The following CALML3 variants were observed in gnomAD, a reference collection of about 807,000 sequenced individuals.
CALML3 encodes the protein calmodulin-like protein 3.
For synonymous variants in CALML3, 98 were observed against 89.9 expected, an observed-to-expected ratio of 1.09 and a Z score of -0.51; for missense variants, 198 against 214.1, an observed-to-expected ratio of 0.92 and a Z score of 0.47.
chr10:5,525,128 G>C lies in CALML3; in HGVS notation c.43G>C (p.Glu15Gln). 6.2e-7 allele frequency: 1 copy of C among 1,612,412 alleles called. No homozygotes were observed. Among genetic ancestry groups the C allele is most frequent in the Non-Finnish European group, 8.5e-7 (1 of 1,178,844 alleles). The change falls in exon 1 of 1, where the codon GAG becomes CAG. Residue 15 changes from glutamate (E) to glutamine (Q), a missense_variant. By Grantham distance (29) the Glu-to-Gln change is conservative (BLOSUM62 2). Coordinates refer to ENST00000315238, the MANE Select transcript of CALML3 (RefSeq NM_005185.4). ...LTEEQVTEFK[E>Q]AFSLFDKDGD... ...TGAGGAGCAGGTCACAGAATTCAAG[G>C]AGGCCTTCTCCCTGTTTGACAAGGA...
chr10:5,525,359 G>A lies in CALML3; in HGVS notation c.274G>A (p.Val92Met), dbSNP rs1293005650. ...GGAGGAGATCCGCGAGGCCTTCCGCGTGTTCGACAAGGACGGCAACGGCTT... is the reference window on the plus strand; with the variant it reads ...GGAGGAGATCCGCGAGGCCTTCCGCATGTTCGACAAGGACGGCAACGGCTT... The part of the protein sequence containing the change: ...NEEEIREAFR[V>M]FDKDGNGFVS... The change falls in exon 1 of 1, where the codon GTG becomes ATG. Residue 92 changes from valine (V) to methionine (M), a missense_variant. Val to Met is a conservative substitution (Grantham distance 21, BLOSUM62 1). Transcript: ENST00000315238. 1.2e-6 allele frequency: 2 copies of A among 1,613,798 alleles called. No individual in the cohort carries two copies. Among genetic ancestry groups the A allele is most frequent in the South Asian group, 2.2e-5 (2 of 91,078 alleles).
Position 5,525,526 on chromosome 10 carries a change from G to C in CALML3, c.441G>C (p.Val147=). 1 of 1,592,196 alleles carries C rather than the reference G, an allele frequency of 6.3e-7. No individual in the cohort carries two copies. The highest frequency in any genetic ancestry group is 8.6e-7 in the Non-Finnish European group (1 of 1,165,574). ...ACGAGGAGTTTGTCCGTGTGCTGGTGTCCAAGTGAGGCCGGCGCCCACCAT... is the reference window on the plus strand; with the variant it reads ...ACGAGGAGTTTGTCCGTGTGCTGGTCTCCAAGTGAGGCCGGCGCCCACCAT... ...VNYEEFVRVL[V]SK The change falls in exon 1 of 1, where the codon GTG becomes GTC. Residue 147 remains valine, a synonymous_variant. Coordinates refer to ENST00000315238, the MANE Select transcript of CALML3 (RefSeq NM_005185.4).
At position 5,526,037 on chromosome 10, in the gene CALML3, C is replaced by T. The variant is rs541633711; in HGVS notation, c.*502C>T. The T allele has an allele frequency of 1.1e-5, 2 of 174,992 alleles. No individual in the cohort carries two copies. The highest frequency in any genetic ancestry group is 5.9e-5 in the Admixed American group (1 of 17,094). The allele number at this position is 174,992 out of a possible 1,614,324, so 10.8% of individuals were successfully genotyped here. Reference sequence around the variant, plus strand: ...GCATCTTGGCCTGCAGTAAGCGGTGCTGACGGGGACTCTGGCCACAGAGGT... The same window carrying T: ...GCATCTTGGCCTGCAGTAAGCGGTGTTGACGGGGACTCTGGCCACAGAGGT... On this transcript the variant is annotated 3_prime_UTR_variant, in exon 1 of 1. Coordinates refer to ENST00000315238, the MANE Select transcript of CALML3 (RefSeq NM_005185.4).
Position 5,525,600 on chromosome 10 carries a change from G to A in CALML3, c.*65G>A, listed in dbSNP as rs919747331. 1.1e-5 allele frequency: 10 copies of A among 874,132 alleles called. No individual in the cohort carries two copies. The highest frequency in any genetic ancestry group is 3.3e-5 in the South Asian group (2 of 60,614). The allele number at this position is 874,132 out of a possible 1,614,324, so 54.1% of individuals were successfully genotyped here. Reference sequence around the variant, plus strand: ...ACAGGGCAAGAACCCGGGGCCTCCCGCCTCCTCCCCCATCCCCCTGCCTCC... The same window carrying A: ...ACAGGGCAAGAACCCGGGGCCTCCCACCTCCTCCCCCATCCCCCTGCCTCC... On this transcript the variant is annotated 3_prime_UTR_variant, in exon 1 of 1. Transcript: ENST00000315238.
chr10:5,525,567 C>T lies in CALML3; in HGVS notation c.*32C>T, dbSNP rs199898663. 2.2e-4 allele frequency: 337 copies of T among 1,541,714 alleles called. No individual in the cohort carries two copies. In the African/African-American group the frequency reaches 4.2e-3, roughly 19 times the overall value. On this transcript the variant is annotated 3_prime_UTR_variant, in exon 1 of 1. Coordinates refer to ENST00000315238, the MANE Select transcript of CALML3 (RefSeq NM_005185.4). The stretch of plus-strand genomic sequence containing the variant: ...CGCCCACCATGCTCCTGGGCGCCCA[C>T]GCGGCCCACAGGGCAAGAACCCGGG...
Position 5,525,407 on chromosome 10 carries a change from C to T in CALML3, c.322C>T (p.His108Tyr), listed in dbSNP as rs748277770. ...CTTCGTCAGCGCCGCCGAGCTGCGA[C>T]ACGTCATGACCCGGCTGGGGGAGAA... Reference protein sequence around the residue: ...NGFVSAAELRHVMTRLGEKLS... With the variant: ...NGFVSAAELRYVMTRLGEKLS... The change falls in exon 1 of 1, where the codon CAC becomes TAC. Residue 108 changes from histidine (H) to tyrosine (Y), a missense_variant. His to Tyr is a moderately conservative substitution (Grantham distance 83). Coordinates refer to ENST00000315238, the MANE Select transcript of CALML3 (RefSeq NM_005185.4). 3 of 1,613,790 alleles carry T rather than the reference C, an allele frequency of 1.9e-6. No homozygotes were observed. Among genetic ancestry groups the T allele is most frequent in the African/African-American group, 2.7e-5 (2 of 74,920 alleles).
chr10:5,525,115 C>G lies in CALML3; in HGVS notation c.30C>G (p.Val10=). 6.2e-7 allele frequency: 1 copy of G among 1,610,528 alleles called. No homozygotes were observed. The highest frequency in any genetic ancestry group is 2.2e-5 in the East Asian group (1 of 44,770). Residue 10 remains valine (V), a synonymous_variant, in exon 1 of 1, where the codon GTC becomes GTG. Coordinates refer to ENST00000315238, the MANE Select transcript of CALML3 (RefSeq NM_005185.4). MADQLTEEQ[V]TEFKEAFSLF... is the part of the protein sequence containing the mutation. ...CCGACCAGCTGACTGAGGAGCAGGT[C>G]ACAGAATTCAAGGAGGCCTTCTCCC...
chr10:5,526,374 C>T lies in CALML3; in HGVS notation c.*839C>T, dbSNP rs1449735056. The T allele has an allele frequency of 1.2e-5, 2 of 166,742 alleles. No individual in the cohort carries two copies. The highest frequency in any genetic ancestry group is 2.9e-5 in the Non-Finnish European group (2 of 68,082). 10.3% of individuals were successfully genotyped at this position (166,742 alleles called of 1,614,324 possible). A position where few individuals can be genotyped will look rare whatever the true frequency, so the allele number is the denominator to read the frequency against. ...TGCTTTTTGAAAATGCAATGAATTC[C>T]TATACGGGGGAGCGGGAAAGGTGCC... On this transcript the variant is annotated 3_prime_UTR_variant, in exon 1 of 1. Coordinates refer to ENST00000315238, the MANE Select transcript of CALML3 (RefSeq NM_005185.4).
In CALML3 at chr10:5,525,326, G is replaced by A. The variant is rs984573204; in HGVS notation, c.241G>A (p.Asp81Asn). The change falls in exon 1 of 1, where the codon GAC (aspartate) becomes AAC (asparagine). Residue 81 changes from aspartate to asparagine, a missense_variant. Asp to Asn is a conservative substitution (Grantham distance 23, BLOSUM62 1). Transcript: ENST00000315238. ...GMMARKMKDT[D>N]NEEEIREAFR... is the part of the protein sequence containing the mutation. ...GATGGCCAGGAAGATGAAGGACACGGACAACGAGGAGGAGATCCGCGAGGC... is the reference window on the plus strand; with the variant it reads ...GATGGCCAGGAAGATGAAGGACACGAACAACGAGGAGGAGATCCGCGAGGC... The A allele has an allele frequency of 6.2e-7, 1 of 1,613,962 alleles. No individual in the cohort carries two copies. The highest frequency in any genetic ancestry group is 8.5e-7 in the Non-Finnish European group (1 of 1,180,006).
rs769766873 is a variant in CALML3 at position 5,525,425 on chromosome 10, G to A, written c.340G>A (p.Gly114Arg). Residue 114 changes from glycine to arginine, a missense_variant, in exon 1 of 1, where the codon GGG becomes AGG. Coordinates refer to ENST00000315238, the MANE Select transcript of CALML3 (RefSeq NM_005185.4). ...AELRHVMTRL[G>R]EKLSDEEVDE... is the part of the protein sequence containing the mutation. ...GCTGCGACACGTCATGACCCGGCTG[G>A]GGGAGAAGCTGAGTGACGAGGAGGT... The A allele has an allele frequency of 2.5e-6, 4 of 1,613,984 alleles. No homozygotes were observed. The highest frequency in any genetic ancestry group is 3.4e-6 in the Non-Finnish European group (4 of 1,179,998).
chr10:5,525,216 C>T lies in CALML3; in HGVS notation c.131C>T (p.Pro44Leu), dbSNP rs1053246228. 2 of 1,613,952 alleles carry T rather than the reference C, an allele frequency of 1.2e-6. No homozygotes were observed. The highest frequency in any genetic ancestry group is 8.5e-7 in the Non-Finnish European group (1 of 1,179,990). The change falls in exon 1 of 1, where the codon CCC (proline) becomes CTC (leucine). Residue 44 changes from proline to leucine, a missense_variant. Transcript: ENST00000315238. Reference sequence around the variant, plus strand: ...GTCATGCGGTCCCTGGGCCAGAACCCCACGGAGGCCGAGCTGCGGGACATG... The same window carrying T: ...GTCATGCGGTCCCTGGGCCAGAACCTCACGGAGGCCGAGCTGCGGGACATG... ...GTVMRSLGQN[P>L]TEAELRDMMS... is the part of the protein sequence containing the mutation.
Position 5,525,518 on chromosome 10 carries a change from G to T in CALML3, c.433G>T (p.Val145Leu). The change falls in exon 1 of 1, where the codon GTG becomes TTG. Residue 145 changes from valine (V) to leucine (L), a missense_variant. By Grantham distance (32) the Val-to-Leu change is conservative (BLOSUM62 1). Coordinates refer to ENST00000315238, the MANE Select transcript of CALML3 (RefSeq NM_005185.4). ...GQVNYEEFVR[V>L]LVSK ...GGTGAACTACGAGGAGTTTGTCCGT[G>T]TGCTGGTGTCCAAGTGAGGCCGGCG... The T allele has an allele frequency of 2.5e-6, 4 of 1,600,224 alleles. No individual in the cohort carries two copies. Among genetic ancestry groups the T allele is most frequent in the Non-Finnish European group, 3.4e-6 (4 of 1,170,464 alleles).
rs35884809 is a variant in CALML3, at chr10:5,526,273, C to CTT, written c.*748_*749dup. 4.0e-3 allele frequency: 626 copies of CTT among 157,820 alleles called. 3 individuals are homozygous for CTT. The highest frequency in any genetic ancestry group is 0.013 in the African/African-American group (511 of 39,608). 9.8% of individuals were successfully genotyped at this position (157,820 alleles called of 1,614,324 possible). A position where few individuals can be genotyped will look rare whatever the true frequency, so the allele number is the denominator to read the frequency against. Reference sequence around the variant, plus strand: ...GAGATATTCGTCCTTATTTCATTTCCTTTTTTTTTTTGGTTTCCATGGAAA... The same window carrying CTT: ...GAGATATTCGTCCTTATTTCATTTCCTTTTTTTTTTTTTGGTTTCCATGGAAA... On this transcript the variant is annotated 3_prime_UTR_variant, in exon 1 of 1. Transcript: ENST00000315238.
In CALML3 at chr10:5,525,354, T is replaced by A. The variant is rs773111118; in HGVS notation, c.269T>A (p.Phe90Tyr). The change falls in exon 1 of 1, where the codon TTC becomes TAC. Residue 90 changes from phenylalanine (F) to tyrosine (Y), a missense_variant. Coordinates refer to ENST00000315238, the MANE Select transcript of CALML3 (RefSeq NM_005185.4). Reference sequence around the variant, plus strand: ...AACGAGGAGGAGATCCGCGAGGCCTTCCGCGTGTTCGACAAGGACGGCAAC... The same window carrying A: ...AACGAGGAGGAGATCCGCGAGGCCTACCGCGTGTTCGACAAGGACGGCAAC... ...TDNEEEIREA[F>Y]RVFDKDGNGF... 13 of 1,613,710 alleles carry A rather than the reference T, an allele frequency of 8.1e-6. No homozygotes were observed. The highest frequency in any genetic ancestry group is 1.1e-5 in the Non-Finnish European group (13 of 1,179,984).
Position 5,525,202 on chromosome 10 carries a change from C to A in CALML3, c.117C>A (p.Ser39=). 1.2e-6 allele frequency: 2 copies of A among 1,613,934 alleles called. No individual in the cohort carries two copies. Among genetic ancestry groups the A allele is most frequent in the Non-Finnish European group, 8.5e-7 (1 of 1,179,988 alleles). The change falls in exon 1 of 1, where the codon TCC becomes TCA. Residue 39 remains serine, a synonymous_variant. Coordinates refer to ENST00000315238, the MANE Select transcript of CALML3 (RefSeq NM_005185.4). ...GCGAGCTGGGCACGGTCATGCGGTC[C>A]CTGGGCCAGAACCCCACGGAGGCCG... The part of the protein sequence containing the change: ...TTRELGTVMR[S]LGQNPTEAEL...
rs763270644 is a variant in CALML3 at position 5,525,160 on chromosome 10, C to T, written c.75C>T (p.Asp25=). ...EAFSLFDKDG[D]GCITTRELGT... is the part of the protein sequence containing the mutation. The stretch of plus-strand genomic sequence containing the variant: ...TCTCCCTGTTTGACAAGGATGGGGA[C>T]GGCTGCATCACCACCCGCGAGCTGG... The change falls in exon 1 of 1, where the codon GAC becomes GAT. Residue 25 remains aspartate, a synonymous_variant. Coordinates refer to ENST00000315238, the MANE Select transcript of CALML3 (RefSeq NM_005185.4). 2.2e-5 allele frequency: 35 copies of T among 1,613,682 alleles called. 1 individual carries two copies. Among genetic ancestry groups the T allele is most frequent in the Non-Finnish European group, 2.8e-5 (33 of 1,179,930 alleles).
chr10:5,525,555 C>T lies in CALML3; in HGVS notation c.*20C>T. On this transcript the variant is annotated 3_prime_UTR_variant, in exon 1 of 1. Transcript: ENST00000315238. ...AAGTGAGGCCGGCGCCCACCATGCT[C>T]CTGGGCGCCCACGCGGCCCACAGGG... 2.6e-6 allele frequency: 4 copies of T among 1,561,932 alleles called. No homozygotes were observed. Among genetic ancestry groups the T allele is most frequent in the South Asian group, 2.4e-5 (2 of 82,570 alleles).
In CALML3 at chr10:5,525,472, G is replaced by A. The variant is rs758616324; in HGVS notation, c.387G>A (p.Ala129=). The part of the protein sequence containing the change: ...DEEVDEMIRA[A]DTDGDGQVNY... ...AGGTGGACGAGATGATCCGGGCCGC[G>A]GACACGGACGGAGACGGACAGGTGA... The change falls in exon 1 of 1, where the codon GCG becomes GCA. Residue 129 remains alanine (A), a synonymous_variant. Transcript: ENST00000315238. 10 of 1,613,600 alleles carry A rather than the reference G, an allele frequency of 6.2e-6. No individual in the cohort carries two copies. The highest frequency in any genetic ancestry group is 4.5e-5 in the East Asian group (2 of 44,860).
Position 5,525,152 on chromosome 10 carries a change from G to A in CALML3, c.67G>A (p.Asp23Asn), listed in dbSNP as rs1456206023. The stretch of plus-strand genomic sequence containing the variant: ...GGAGGCCTTCTCCCTGTTTGACAAG[G>A]ATGGGGACGGCTGCATCACCACCCG... ...FKEAFSLFDK[D>N]GDGCITTREL... Residue 23 changes from aspartate (D) to asparagine (N), a missense_variant, in exon 1 of 1, where the codon GAT (aspartate) becomes AAT (asparagine). Coordinates refer to ENST00000315238, the MANE Select transcript of CALML3 (RefSeq NM_005185.4). 3.1e-6 allele frequency: 5 copies of A among 1,613,834 alleles called. No individual in the cohort carries two copies. The South Asian group carries it at 4.4e-5, about 14-fold the overall frequency.
Sources: gnomAD v4.1 joint callset for allele counts on GRCh38, gnomAD v4.1.1 for gene constraint, MANE v1.5 for transcripts, NCBI Gene and HGNC (gene_info 2026-07-23, HGNC 2026-07-21) for gene names.